Variants in INPP4A observed in about 807,000 individuals in gnomAD.
INPP4A encodes inositol polyphosphate-4-phosphatase, type I, 107kD.
Under a neutral mutation model 119.8 loss-of-function variants are expected in INPP4A, and 33 were observed. The ratio of observed to expected loss-of-function variants is 0.28; its 90% CI spans 0.21 to 0.37. INPP4A has a LOEUF of 0.37. Among genes scored for constraint, INPP4A ranks in the 10% least tolerant of loss-of-function variants. The probability of loss-of-function intolerance (pLI) is 1.00; values close to 1 mark genes in which losing one functional copy is unlikely to be tolerated. For synonymous variants in INPP4A, 496 were observed against 500.7 expected, an observed-to-expected ratio of 0.99 and a Z score of 0.12; for missense variants, 956 against 1,289.9, an observed-to-expected ratio of 0.74 and a Z score of 3.97.
At chr2:98,525,577 C>T (rs1484993539) in intron 4 of INPP4A, among the ~76,000 whole-genome samples, 1 of 152,100 alleles carries the variant, frequency 6.6e-6, no homozygotes, top group African/African-American at 2.4e-5. Flanking sequence ...CCATAAGAGA[C>T]ATCACTGAGA....
chr2:98,542,787 T>TTCTTC (rs1363719729), intron 10 of INPP4A, among the ~76,000 whole-genome samples: 1 of 152,132 alleles, frequency 6.6e-6, no homozygotes, highest in East Asian at 1.9e-4. Context: ...ATTCCTCTTT[T>TTCTTC]TCTTCTCTTC....
intron 24 of INPP4A, 50 bp from the exon 25 acceptor site, chr2:98,587,426 C>A: frequency 6.7e-7 from 1 of 1,500,214 alleles, no homozygotes; most frequent in African/African-American, 1.4e-5. Context: ...TAAGTCTTTT[C>A]TTTTTTCCTT....
intron 1 of INPP4A, among the ~76,000 whole-genome samples, chr2:98,492,396 T>G (rs1021946199): frequency 1.2e-4 from 19 of 152,210 alleles, no homozygotes; most frequent in Admixed American, 1.2e-3. Context: ...CCAAGTTGTA[T>G]CTCACTGGCC....
intron 10 of INPP4A, among the ~76,000 whole-genome samples, chr2:98,543,384 A>G (rs1226503645): frequency 6.6e-6 from 1 of 152,172 alleles, no homozygotes; most frequent in East Asian, 1.9e-4. Flanking sequence ...CTGGGAGGCA[A>G]TGAGAAGCGC....
intron 1 of INPP4A, among the ~76,000 whole-genome samples, chr2:98,489,457 T>C (rs1680248383): frequency 6.6e-6 from 1 of 152,150 alleles, no homozygotes; most frequent in African/African-American, 2.4e-5. Context: ...CCCTTGATGT[T>C]GGGAAGCAGA....
At chr2:98,560,068 G>T (rs982244055) in intron 17 of INPP4A, among the ~76,000 whole-genome samples, 11 of 152,180 alleles carry the variant, frequency 7.2e-5, no homozygotes, top group Non-Finnish European at 1.3e-4. Flanking sequence ...AGAGTTCGTT[G>T]CAGCAGAGAA....
chr2:98,483,584 T>G (rs1678923750), intron 1 of INPP4A, among the ~76,000 whole-genome samples: 1 of 152,186 alleles, frequency 6.6e-6, no homozygotes. Context: ...GTGTCCATCT[T>G]TGTTGCAGAG....
intron 10 of INPP4A, 133 bp downstream of exon 10, chr2:98,539,808 G>T: frequency 3.4e-6 from 3 of 889,864 alleles, no homozygotes. Context: ...CTGCAGCTCT[G>T]TGGCCTTGGC....
intron 1 of INPP4A, among the ~76,000 whole-genome samples, chr2:98,492,482 C>G (rs891943650): frequency 6.6e-6 from 1 of 152,134 alleles, no homozygotes; most frequent in African/African-American, 2.4e-5. Flanking sequence ...ATGTGCTACC[C>G]CTGGGAGGGC....
At chr2:98,531,147 A>G (rs1689134689) in intron 4 of INPP4A, among the ~76,000 whole-genome samples, 1 of 152,222 alleles carries the variant, frequency 6.6e-6, no homozygotes, top group African/African-American at 2.4e-5. Context: ...TTGGGATATA[A>G]GATTTCAACA....
chr2:98,448,224 C>T (rs1013262600), intron 1 of INPP4A, among the ~76,000 whole-genome samples: 1 of 150,596 alleles, frequency 6.6e-6, no homozygotes, highest in African/African-American at 2.4e-5. Context: ...GGTATAGTGG[C>T]GTGTGCTCGT....
intron 13 of INPP4A, among the ~76,000 whole-genome samples, chr2:98,551,225 G>A (rs1693460103): frequency 6.6e-6 from 1 of 152,164 alleles, no homozygotes; most frequent in African/African-American, 2.4e-5. Context: ...CAAAGTGCTA[G>A]GATTATAGGC....
At chr2:98,568,044 G>A (rs1018955124) in intron 21 of INPP4A, among the ~76,000 whole-genome samples, 10 of 152,202 alleles carry the variant, frequency 6.6e-5, no homozygotes, top group African/African-American at 2.4e-4. Flanking sequence ...TAGGCATTTG[G>A]CACATGCTCC....
rs1408121250 is a variant in INPP4A at position 98,555,826 on chromosome 2, C to T, written c.1822+18C>T. 6.5e-7 allele frequency: 1 copy of T among 1,540,746 alleles called. No homozygotes were observed. Among genetic ancestry groups the T allele is most frequent in the Non-Finnish European group, 8.8e-7 (1 of 1,138,570 alleles). On this transcript the variant is annotated intron_variant, in intron 16 of 24. Transcript: ENST00000409851. ...GACCACACGTGCGTATGCATCCATG[C>T]TTCCCATATGCTGCCTCCATTTCAC... is the stretch of plus-strand genomic sequence containing the variant.
intron 1 of INPP4A, among the ~76,000 whole-genome samples, chr2:98,515,496 C>T (rs1685938565): frequency 6.6e-6 from 1 of 152,154 alleles, no homozygotes; most frequent in Non-Finnish European, 1.5e-5. Flanking sequence ...GCCCCCATTG[C>T]ACTTGGGCTT....
In INPP4A at chr2:98,556,537, C is replaced by T. The variant is rs569240565; in HGVS notation, c.1822+729C>T. Reference sequence around the variant, plus strand: ...GCAACTGAGATGTCTCCGCCTTTTCCTGTAAGAGCCATAGAGTTACAAGCT... The same window carrying T: ...GCAACTGAGATGTCTCCGCCTTTTCTTGTAAGAGCCATAGAGTTACAAGCT... On this transcript the variant is annotated intron_variant, in intron 16 of 24. Coordinates refer to ENST00000409851, the MANE Select transcript of INPP4A (RefSeq NM_001134225.2). Among the ~76,000 whole-genome samples the T allele has an allele frequency of 4.3e-4, 65 of 152,350 alleles. 1 individual carries two copies. In the South Asian group the frequency reaches 0.013, roughly 31 times the overall value.
intron 13 of INPP4A, chr2:98,548,883 A>G: frequency 7.0e-7 from 1 of 1,434,992 alleles, no homozygotes; most frequent in South Asian, 1.3e-5. Context: ...TTGGCTTTTT[A>G]ATTTTTTGTT....
At chr2:98,448,402 A>G (rs1418217957) in intron 1 of INPP4A, among the ~76,000 whole-genome samples, 1 of 151,258 alleles carries the variant, frequency 6.6e-6, no homozygotes, top group East Asian at 1.9e-4. Flanking sequence ...ATATAACACT[A>G]TTTAGTGTAC....
intron 1 of INPP4A, among the ~76,000 whole-genome samples, chr2:98,516,005 T>C (rs1455078869): frequency 1.3e-5 from 2 of 152,168 alleles, no homozygotes; most frequent in Non-Finnish European, 2.9e-5. Context: ...TTATTGCTTC[T>C]TTTTTCTTGA....
Sources: allele counts gnomAD v4.1 joint callset (sites outside exome capture counted in the v4.1 genomes callset), GRCh38; gene constraint gnomAD v4.1.1; transcripts MANE v1.5; gene names NCBI Gene and HGNC (gene_info 2026-07-23, HGNC 2026-07-21).